The following MTMR7 variants were observed in gnomAD, a reference collection of about 807,000 sequenced individuals.
The protein encoded by MTMR7 is myotubularin related protein 7.
MTMR7 carries 76 observed loss-of-function variants against 81.2 expected under a neutral mutation model. The ratio of observed to expected loss-of-function variants is 0.94; its 90% confidence interval spans 0.78 to 1.13. The LOEUF (loss-of-function observed/expected upper bound fraction) is 1.13, where lower values mean the gene tolerates loss of function less well. Ranked by LOEUF, MTMR7 falls within the 50% of genes most tolerant of loss-of-function variation. MTMR7 has a pLI of 0.00. For missense variants in MTMR7, 1,044 were observed against 820.0 expected (o/e 1.27, Z -3.34); for synonymous variants, 372 against 289.8 (o/e 1.28, Z -2.88).
chr8:17,322,016 G>A (rs893097250), intron 7 of MTMR7, among the ~76,000 whole-genome samples: 1 of 118,888 alleles, frequency 8.4e-6, no homozygotes, highest in African/African-American at 4.2e-5. Context: ...CAGTGAGGGT[G>A]CAGAAAAAGT....
At chr8:17,340,095 G>A (rs1362691075) in intron 6 of MTMR7, among the ~76,000 whole-genome samples, 2 of 152,234 alleles carry the variant, frequency 1.3e-5, no homozygotes, top group African/African-American at 4.8e-5. Flanking sequence ...GGGATTACAG[G>A]CATGCACCAT....
chr8:17,412,586 G>T (rs955907543), intron 1 of MTMR7, among the ~76,000 whole-genome samples: 1 of 152,178 alleles, frequency 6.6e-6, no homozygotes, highest in Admixed American at 6.5e-5. Context: ...GGGACCATTT[G>T]CTTTTGTTAA....
At chr8:17,348,864 A>G in intron 5 of MTMR7, 89 bp downstream of exon 5, 2 of 1,483,600 alleles carry the variant, frequency 1.3e-6, no homozygotes, top group South Asian at 1.2e-5. Flanking sequence ...AAACACACAC[A>G]CACGCACAGC....
intron 7 of MTMR7, among the ~76,000 whole-genome samples, chr8:17,329,256 A>G (rs150801263): frequency 6.6e-6 from 1 of 152,186 alleles, no homozygotes; most frequent in Non-Finnish European, 1.5e-5. Context: ...GCAACACTTC[A>G]TCATCAGCTC....
chr8:17,302,324 C>G (rs1276336177), intron 12 of MTMR7, 44 bp from the exon 13 acceptor site: 6 of 1,573,090 alleles, frequency 3.8e-6, no homozygotes, highest in Non-Finnish European at 4.3e-6. Flanking sequence ...TTATCACAGT[C>G]TGAAAATTCA....
intron 10 of MTMR7, among the ~76,000 whole-genome samples, chr8:17,307,808 G>A (rs1034848698): frequency 6.0e-5 from 9 of 151,124 alleles, no homozygotes; most frequent in African/African-American, 1.9e-4. Context: ...AACACCACAT[G>A]TTCTCACTCA....
chr8:17,410,469 A>G (rs1220955629), intron 1 of MTMR7, among the ~76,000 whole-genome samples: 1 of 152,226 alleles, frequency 6.6e-6, no homozygotes, highest in African/African-American at 2.4e-5. Flanking sequence ...GCAAGTTTTC[A>G]GAGTGGTAAG....
At chr8:17,338,348 C>T (rs999353672) in intron 6 of MTMR7, among the ~76,000 whole-genome samples, 4 of 152,136 alleles carry the variant, frequency 2.6e-5, no homozygotes, top group Non-Finnish European at 5.9e-5. Flanking sequence ...AAGGTTTACA[C>T]AACACAGTAC....
At chr8:17,324,059 G>C (rs1202933738) in intron 7 of MTMR7, among the ~76,000 whole-genome samples, 1 of 152,068 alleles carries the variant, frequency 6.6e-6, no homozygotes, top group Non-Finnish European at 1.5e-5. Context: ...AAACGCTTTG[G>C]CTTTGACATC....
intron 7 of MTMR7, among the ~76,000 whole-genome samples, 180 bp from the exon 8 acceptor site, chr8:17,313,581 A>G (rs1196217541): frequency 6.6e-6 from 1 of 152,244 alleles, no homozygotes; most frequent in East Asian, 1.9e-4. Context: ...AACCATTTCA[A>G]GTAAGGCTTT....
rs140392242 is a variant in MTMR7, at chr8:17,379,719, C to T, written c.25-6479G>A. On this transcript the variant is annotated intron_variant, in intron 1 of 13. Coordinates refer to ENST00000180173, the MANE Select transcript of MTMR7 (RefSeq NM_004686.5). ...TCACCCCTAGGACCATAATCCAACACAAGCACTGTTAGTCTTTTGGGAAAA... is the reference window on the plus strand; with the variant it reads ...TCACCCCTAGGACCATAATCCAACATAAGCACTGTTAGTCTTTTGGGAAAA... Among the ~76,000 whole-genome samples, 936 of 152,300 alleles carry T rather than the reference C, an allele frequency of 6.1e-3. 7 individuals are homozygous for T. The highest frequency in any genetic ancestry group is 9.3e-3 in the Non-Finnish European group (631 of 68,026).
rs1817426152 is a variant in MTMR7 at position 17,305,970 on chromosome 8, G to A, written c.1152-13C>T. The A allele has an allele frequency of 6.3e-7, 1 of 1,592,724 alleles. No individual in the cohort carries two copies. The highest frequency in any genetic ancestry group is 1.1e-5 in the South Asian group (1 of 88,318). On this transcript the variant is annotated splice_polypyrimidine_tract_variant and intron_variant, in intron 10 of 13. Coordinates refer to ENST00000180173, the MANE Select transcript of MTMR7 (RefSeq NM_004686.5). ...TAGATTGCCATATCTATAAAACAAAGCATTAGAGACTTTTTAAGGCAGATT... is the reference window on the plus strand; with the variant it reads ...TAGATTGCCATATCTATAAAACAAAACATTAGAGACTTTTTAAGGCAGATT...
chr8:17,324,673 T>C (rs140173812), intron 7 of MTMR7, among the ~76,000 whole-genome samples: 66 of 152,358 alleles, frequency 4.3e-4, no homozygotes, highest in Middle Eastern at 3.4e-3. Flanking sequence ...GCTGCTGGTC[T>C]AGCAGAACAC....
chr8:17,390,785 C>T (rs1158339624), intron 1 of MTMR7, among the ~76,000 whole-genome samples: 1 of 152,132 alleles, frequency 6.6e-6, no homozygotes, highest in Non-Finnish European at 1.5e-5. Flanking sequence ...GGAAGAGCCC[C>T]TTATGAAATC....
At chr8:17,302,302 C>T (rs1248147511) in intron 12 of MTMR7, 22 bp from the exon 13 acceptor site, 5 of 1,609,690 alleles carry the variant, frequency 3.1e-6, no homozygotes, top group Non-Finnish European at 4.2e-6. Context: ...GGCAAAGCGT[C>T]GTGATACCAC....
At chr8:17,304,548 G>T in intron 11 of MTMR7, 29 bp from the exon 12 acceptor site, 2 of 1,602,682 alleles carry the variant, frequency 1.2e-6, no homozygotes, top group South Asian at 1.1e-5. Context: ...GTCTATAAAT[G>T]ACCTATTTTG....
intron 7 of MTMR7, among the ~76,000 whole-genome samples, chr8:17,318,295 T>C (rs1344986237): frequency 6.6e-6 from 1 of 152,158 alleles, no homozygotes; most frequent in Non-Finnish European, 1.5e-5. Context: ...CACCAAATGC[T>C]GCTTAGGAGC....
intron 1 of MTMR7, among the ~76,000 whole-genome samples, chr8:17,396,864 C>G (rs188813222): frequency 1.3e-5 from 2 of 151,762 alleles, no homozygotes; most frequent in Non-Finnish European, 2.9e-5. Flanking sequence ...CTGTCTTGCA[C>G]CTTCATTAAC....
intron 1 of MTMR7, among the ~76,000 whole-genome samples, chr8:17,395,811 T>G (rs1821228918): frequency 6.6e-6 from 1 of 152,194 alleles, no homozygotes; most frequent in Admixed American, 6.5e-5. Context: ...AGTATACAAG[T>G]ATATTTGTTT....
Sources: gnomAD v4.1 joint callset for allele counts (sites outside exome capture counted in the v4.1 genomes callset) on GRCh38, gnomAD v4.1.1 for gene constraint, MANE v1.5 for transcripts, NCBI Gene and HGNC (gene_info 2026-07-23, HGNC 2026-07-21) for gene names.